ZBTB49: variants seen among roughly 807,000 people sequenced by gnomAD.
ZBTB49 encodes zinc finger and BTB domain-containing protein 49.
A neutral mutation model predicts 57.5 loss-of-function variants in ZBTB49; 43 were observed. The observed-to-expected ratio is 0.75, with a 90% CI of 0.59 to 0.97. The LOEUF (loss-of-function observed/expected upper bound fraction) is 0.97, where lower values mean the gene tolerates loss of function less well. ZBTB49 is among the 50% of genes least tolerant of loss of function. The pLI is 0.00. For missense variants in ZBTB49, 938 were observed against 947.7 expected, an observed-to-expected ratio of 0.99 and a Z score of 0.13; for synonymous variants, 369 against 362.1, an observed-to-expected ratio of 1.02 and a Z score of -0.22.
intron 5 of ZBTB49, among the ~76,000 whole-genome samples, chr4:4,314,697 A>G (rs16835578): frequency 0.014 from 2,139 of 152,338 alleles, 40 homozygotes; most frequent in African/African-American, 0.048. Flanking sequence ...AACCAGACCT[A>G]TATGCAGCGT....
At chr4:4,300,163 A>G in intron 2 of ZBTB49, 66 bp downstream of exon 2, 1 of 1,537,566 alleles carries the variant, frequency 6.5e-7, no homozygotes, top group Admixed American at 1.8e-5. Context: ...GTATGGAAGT[A>G]TTCATATTTT....
At chr4:4,306,057 A>C (rs1225660815) in intron 3 of ZBTB49, 81 bp from the exon 4 acceptor site, 2 of 1,149,514 alleles carry the variant, frequency 1.7e-6, no homozygotes, top group South Asian at 1.3e-5. Context: ...TTTTGAAAGT[A>C]CATAGGAGGT....
intron 7 of ZBTB49, among the ~76,000 whole-genome samples, chr4:4,317,782 C>T (rs991522042): frequency 1.5e-4 from 23 of 152,228 alleles, no homozygotes; most frequent in African/African-American, 4.8e-5. Flanking sequence ...TGCTGGGCTT[C>T]GTAGTTCTCA....
intron 4 of ZBTB49, among the ~76,000 whole-genome samples, chr4:4,310,635 G>T (rs1720948468): frequency 6.7e-6 from 1 of 150,206 alleles, no homozygotes; most frequent in Non-Finnish European, 1.5e-5. Context: ...TCAGCCTCCT[G>T]AGTAGCTGGG....
intron 4 of ZBTB49, among the ~76,000 whole-genome samples, chr4:4,308,118 C>T (rs192436283): frequency 1.3e-5 from 2 of 152,310 alleles, no homozygotes; most frequent in Non-Finnish European, 2.9e-5. Flanking sequence ...CGCTCTGTCG[C>T]CCAGGCTGGA....
intron 4 of ZBTB49, among the ~76,000 whole-genome samples, chr4:4,309,959 C>T (rs1720914362): frequency 6.6e-6 from 1 of 152,150 alleles, no homozygotes; most frequent in Non-Finnish European, 1.5e-5. Context: ...AACTCCTGAG[C>T]TAGCTGACTT....
chr4:4,294,056 T>C lies in ZBTB49; in HGVS notation c.-20+3704T>C, dbSNP rs558585383. On this transcript the variant is annotated intron_variant, in intron 1 of 7. Coordinates refer to ENST00000337872, the MANE Select transcript of ZBTB49 (RefSeq NM_145291.4). ...ATGTGGATAATAGTAGCACCTATCT[T>C]ATGGTAAATGAGTTAATAAGTGTAA... is the stretch of plus-strand genomic sequence containing the variant. Among the ~76,000 whole-genome samples the C allele has an allele frequency of 4.2e-4, 64 of 152,324 alleles. 1 individual carries two copies. The highest frequency in any genetic ancestry group is 7.2e-4 in the Non-Finnish European group (49 of 68,022).
At chr4:4,308,878 A>T (rs947915439) in intron 4 of ZBTB49, among the ~76,000 whole-genome samples, 2 of 152,242 alleles carry the variant, frequency 1.3e-5, no homozygotes, top group Admixed American at 6.5e-5. Context: ...TTGGGACAGC[A>T]TGAGGCCATG....
Position 4,321,428 on chromosome 4 carries a change from A to G in ZBTB49, c.*112A>G. The stretch of plus-strand genomic sequence containing the variant: ...AGTGCCTTCTAACTAGCCAGAGAAT[A>G]GGTAGCTTCCCTCCTGATGATGGCT... On this transcript the variant is annotated 3_prime_UTR_variant, in exon 8 of 8. Coordinates refer to ENST00000337872, the MANE Select transcript of ZBTB49 (RefSeq NM_145291.4). 9.0e-7 allele frequency: 1 copy of G among 1,115,694 alleles called. No homozygotes were observed. 69.1% of individuals were successfully genotyped at this position (1,115,694 alleles called of 1,614,324 possible).
chr4:4,316,006 G>A (rs1255765570), intron 7 of ZBTB49, 36 bp downstream of exon 7: 1 of 1,607,868 alleles, frequency 6.2e-7, no homozygotes. Context: ...CTAGTCATCT[G>A]TGTGTGGGAA....
At chr4:4,305,314 A>G (rs1203841818) in intron 3 of ZBTB49, among the ~76,000 whole-genome samples, 1 of 152,182 alleles carries the variant, frequency 6.6e-6, no homozygotes, top group Non-Finnish European at 1.5e-5. Context: ...AAGGGAAAAC[A>G]TTATTGTTAC....
rs1403077238 is a variant in ZBTB49 at position 4,320,975 on chromosome 4, T to C, written c.1957T>C (p.Cys653Arg). The change falls in exon 8 of 8, where the codon TGT (cysteine) becomes CGT (arginine). Residue 653 changes from cysteine to arginine, a missense_variant. Cys to Arg is a radical substitution (Grantham distance 180). This residue lies in a region of ZBTB49 where 835 missense variants were observed against 819.1 expected (regional missense o/e 1.02). Transcript: ENST00000337872. ...TGATAGCCACTCTGGCGGCTCCTAT[T>C]GTAAGTTACGGTCCATGATCCAACC... ...EFDSHSGGSY[C>R]KLRSMIQPHG... The C allele has an allele frequency of 1.2e-6, 2 of 1,614,222 alleles. No homozygotes were observed. Among genetic ancestry groups the C allele is most frequent in the Non-Finnish European group, 1.7e-6 (2 of 1,180,046 alleles).
rs938247894 is a variant in ZBTB49 at position 4,317,564 on chromosome 4, C to T, written c.1621+1594C>T. ...TTGCCCGTTCTAGACATTTACTATG[C>T]ATGGACTCATACAACACGGGGTATT... On this transcript the variant is annotated intron_variant, in intron 7 of 7. Coordinates refer to ENST00000337872, the MANE Select transcript of ZBTB49 (RefSeq NM_145291.4). 3.4e-4 allele frequency among the ~76,000 whole-genome samples: 51 copies of T among 152,172 alleles called. 1 individual carries two copies. The highest frequency in any genetic ancestry group is 3.1e-3 in the Admixed American group (48 of 15,284).
intron 1 of ZBTB49, among the ~76,000 whole-genome samples, chr4:4,297,290 G>A (rs1454478004): frequency 1.3e-5 from 2 of 152,046 alleles, no homozygotes; most frequent in Admixed American, 6.6e-5. Context: ...GGCTGGTCTC[G>A]AACTCCTGAC....
At chr4:4,318,680 G>A (rs1721285248) in intron 7 of ZBTB49, among the ~76,000 whole-genome samples, 1 of 152,198 alleles carries the variant, frequency 6.6e-6, no homozygotes, top group Admixed American at 6.5e-5. Flanking sequence ...AGCAGCCACC[G>A]TGTGCAGCAG....
At chr4:4,292,317 G>A (rs986392079) in intron 1 of ZBTB49, among the ~76,000 whole-genome samples, 1 of 152,130 alleles carries the variant, frequency 6.6e-6, no homozygotes, top group South Asian at 2.1e-4. Flanking sequence ...ACAGTGCAAC[G>A]ATACTTGTTT....
rs766150955 is a variant in ZBTB49, at chr4:4,302,920, G to A, written c.1084G>A (p.Val362Ile). The A allele has an allele frequency of 1.3e-5, 21 of 1,614,072 alleles. No individual in the cohort carries two copies. In the African/African-American group the frequency reaches 1.5e-4, roughly 11 times the overall value. The change falls in exon 3 of 8, where the codon GTC (valine) becomes ATC (isoleucine). Residue 362 changes from valine to isoleucine, a missense_variant. This residue lies in a region of ZBTB49 where 835 missense variants were observed against 819.1 expected (regional missense o/e 1.02). Transcript: ENST00000337872. ...TGAAGAAAAAGAAAGTGAAGAAGTC[G>A]TCAGTTGTGAGAATTTTAATTGCAT... ...SAEEKESEEV[V>I]SCENFNCISE...
intron 5 of ZBTB49, among the ~76,000 whole-genome samples, chr4:4,313,898 C>T (rs1721080374): frequency 6.6e-6 from 1 of 152,216 alleles, no homozygotes; most frequent in Admixed American, 6.5e-5. Context: ...ATTGATTCAA[C>T]ATTTTTTAGA....
chr4:4,313,470 G>C (rs1393902295), intron 5 of ZBTB49, among the ~76,000 whole-genome samples: 2 of 152,092 alleles, frequency 1.3e-5, no homozygotes, highest in Non-Finnish European at 2.9e-5. Flanking sequence ...AGGGGAAATG[G>C]GACTTGGCAG....
Sources: gnomAD v4.1 joint callset for allele counts (sites outside exome capture counted in the v4.1 genomes callset) on GRCh38, gnomAD v4.1.1 for gene constraint, gnomAD v4.1.1 regional missense constraint, MANE v1.5 for transcripts, NCBI Gene and HGNC (gene_info 2026-07-23, HGNC 2026-07-21) for gene names.